TMEM165: variants seen among roughly 807,000 people sequenced by gnomAD.
TMEM165 encodes the protein putative divalent cation/proton antiporter TMEM165.
In TMEM165, 19 loss-of-function variants were observed where a neutral mutation model predicts 30.0. The ratio of observed to expected loss-of-function variants is 0.63; its 90% CI spans 0.44 to 0.93. The LOEUF (loss-of-function observed/expected upper bound fraction) is 0.93, where lower values mean the gene tolerates loss of function less well. TMEM165 is among the 40% of genes least tolerant of loss of function. The probability of loss-of-function intolerance (pLI) is 0.00; values close to 1 mark genes in which losing one functional copy is unlikely to be tolerated. For synonymous variants in TMEM165, 168 were observed against 162.9 expected (o/e 1.03, Z -0.24); for missense variants, 340 against 417.0 (o/e 0.82, Z 1.61).
At chr4:55,439,477 T>C (rs1252274947) in intron 3 of TMEM165, among the ~76,000 whole-genome samples, 4 of 152,136 alleles carry the variant, frequency 2.6e-5, no homozygotes, top group Non-Finnish European at 4.4e-5. Context: ...AAATTCACTA[T>C]AGGATTACTA....
chr4:55,430,767 T>C (rs1722445062), downstream of TMEM165: 1 of 152,216 alleles, frequency 6.6e-6, no homozygotes, highest in South Asian at 2.1e-4. Context: ...TCTGTACATC[T>C]ACTCACACGG....
intron 3 of TMEM165, chr4:55,442,301 AT>A: frequency 1.3e-6 from 1 of 792,490 alleles, no homozygotes; most frequent in Non-Finnish European, 2.1e-6. Context: ...TTTATTTCAA[AT>A]TTAAGAACAT....
intron 1 of TMEM165, among the ~76,000 whole-genome samples, chr4:55,398,372 G>C (rs1341616178): frequency 6.6e-6 from 1 of 152,192 alleles, no homozygotes; most frequent in African/African-American, 2.4e-5. Flanking sequence ...AACAGGTAGA[G>C]GAGGTTTGTA....
intron 3 of TMEM165, chr4:55,448,963 C>T (rs1241929673): frequency 4.0e-6 from 4 of 999,970 alleles, no homozygotes; most frequent in Non-Finnish European, 6.2e-6. Flanking sequence ...TATTAATAAA[C>T]TTACCATTTG....
chr4:55,422,802 A>G (rs1042273499), intron 4 of TMEM165, among the ~76,000 whole-genome samples: 14 of 152,112 alleles, frequency 9.2e-5, no homozygotes, highest in African/African-American at 3.1e-4. Context: ...GGTGCCTGCC[A>G]CCACACCCGG....
chr4:55,438,290 A>C (rs1287955045), intron 3 of TMEM165: 1 of 1,614,110 alleles, frequency 6.2e-7, no homozygotes, highest in Non-Finnish European at 8.5e-7. Context: ...ACCTGTAAAA[A>C]TTGTTGCGGT....
At chr4:55,450,992 C>T (rs760976235) in intron 3 of TMEM165, among the ~76,000 whole-genome samples, 11 of 151,872 alleles carry the variant, frequency 7.2e-5, no homozygotes, top group Non-Finnish European at 1.3e-4. Context: ...CTTTCTCCAT[C>T]AGCTCATTCT....
chr4:55,405,504 A>G (rs1057101289), intron 1 of TMEM165, among the ~76,000 whole-genome samples: 6 of 152,192 alleles, frequency 3.9e-5, no homozygotes, highest in Non-Finnish European at 5.9e-5. Context: ...TGGAATGTAT[A>G]TGAAACCAAA....
chr4:55,398,568 G>T (rs1045022525), intron 1 of TMEM165, among the ~76,000 whole-genome samples: 1 of 152,170 alleles, frequency 6.6e-6, no homozygotes, highest in African/African-American at 2.4e-5. Flanking sequence ...CTTTGATCTT[G>T]AGCCTAGCTT....
In TMEM165 at chr4:55,415,516, A is replaced by T. The variant is rs1000556197; in HGVS notation, c.434-1556A>T. The T allele has an allele frequency of 2.0e-5, 3 of 152,264 alleles. No homozygotes were observed. The East Asian group carries it at 5.8e-4, about 29-fold the overall frequency. 9.4% of individuals were successfully genotyped at this position (152,264 alleles called of 1,614,324 possible). On this transcript the variant is annotated intron_variant, in intron 2 of 5. Coordinates refer to ENST00000381334, the MANE Select transcript of TMEM165 (RefSeq NM_018475.5). ...GGGGAGAATGGTATTAGAACCCAAG[A>T]TCTAGGTGCAAGGTTACTGAGCTCC...
intron 1 of TMEM165, among the ~76,000 whole-genome samples, chr4:55,402,795 C>CTTTTTTTTTTTTTTTTTTTTTTTTTTTTT (rs71194554): frequency 1.4e-5 from 1 of 71,398 alleles, no homozygotes; most frequent in Non-Finnish European, 2.4e-5. Context: ...TTAAAAAAAG[C>CTTTTTTTTTTTTTTTTTTTTTTTTTTTTT]TTTTTTTTTT....
chr4:55,441,004 T>G (rs1323336255), intron 3 of TMEM165, among the ~76,000 whole-genome samples: 1 of 152,178 alleles, frequency 6.6e-6, no homozygotes, highest in Non-Finnish European at 1.5e-5. Context: ...AACAAAAAAC[T>G]GCTCACTTCC....
chr4:55,443,998 C>T (rs1026251482), intron 3 of TMEM165: 2 of 975,578 alleles, frequency 2.1e-6, no homozygotes, highest in Non-Finnish European at 3.1e-6. Context: ...GTTTAAAAAG[C>T]AAGTAACAAG....
intron 2 of TMEM165, among the ~76,000 whole-genome samples, chr4:55,412,943 T>C (rs1296268179): frequency 1.3e-5 from 2 of 152,012 alleles, no homozygotes; most frequent in Non-Finnish European, 2.9e-5. Flanking sequence ...GAAATACATC[T>C]CTTAATGAGA....
chr4:55,434,610 C>T (rs1189953098), intron 3 of TMEM165: 1 of 152,440 alleles, frequency 6.6e-6, no homozygotes, highest in Non-Finnish European at 1.5e-5. Flanking sequence ...AAATCCATTC[C>T]CAGCAGCACA....
chr4:55,397,786 G>T (rs1277270448), intron 1 of TMEM165, among the ~76,000 whole-genome samples: 1 of 149,888 alleles, frequency 6.7e-6, no homozygotes, highest in African/African-American at 2.5e-5. Context: ...TCGCTCTGTC[G>T]CCCAGGCTGG....
At position 55,445,254 on chromosome 4, in the gene TMEM165, T is replaced by A; in HGVS notation, c.409-6985T>A. On this transcript the variant is annotated intron_variant, in intron 3 of 3. Coordinates refer to the TMEM165 transcript ENST00000608091. ...TAAAAAGCTTTGGATGGGAAGGACATTTCTCACTTTTACATACACCTGCCC... is the reference window on the plus strand; with the variant it reads ...TAAAAAGCTTTGGATGGGAAGGACAATTCTCACTTTTACATACACCTGCCC... Among the ~76,000 whole-genome samples the A allele has an allele frequency of 2.9e-5, 2 of 68,238 alleles. 1 individual carries two copies. Among genetic ancestry groups the A allele is most frequent in the African/African-American group, 7.5e-5 (2 of 26,758 alleles). 44.8% of individuals were successfully genotyped at this position (68,238 alleles called of 152,430 possible).
At chr4:55,402,119 C>CAAAAAAAAAAAAAAAAAAAAAAAAAA (rs71194551) in intron 1 of TMEM165, among the ~76,000 whole-genome samples, 3 of 107,034 alleles carry the variant, frequency 2.8e-5, no homozygotes, top group African/African-American at 1.5e-4. Context: ...ACTCTGTCTC[C>CAAAAAAAAAAAAAAAAAAAAAAAAAA]AAAAAAAAAA....
rs748878763 is a variant in TMEM165 at position 55,411,583 on chromosome 4, T to G, written c.208-31T>G. 5 of 1,551,692 alleles carry G rather than the reference T, an allele frequency of 3.2e-6. No individual in the cohort carries two copies. In the African/African-American group the frequency reaches 6.9e-5, roughly 21 times the overall value. On this transcript the variant is annotated intron_variant, in intron 1 of 5. Coordinates refer to ENST00000381334, the MANE Select transcript of TMEM165 (RefSeq NM_018475.5). ...AAAATAAAATAATTTTGAATAATGA[T>G]TTTAAGAAGTAACTGATTTTTTTTT...
Sources: allele counts gnomAD v4.1 joint callset (sites outside exome capture counted in the v4.1 genomes callset), GRCh38; gene constraint gnomAD v4.1.1; transcripts MANE v1.5; gene names NCBI Gene and HGNC (gene_info 2026-07-23, HGNC 2026-07-21).